Variants in ANGPT1 observed in about 807,000 individuals in gnomAD.
ANGPT1 encodes angiopoietin 1.
Under a neutral mutation model 62.2 loss-of-function variants are expected in ANGPT1, and 17 were observed. The observed-to-expected ratio is 0.27, with a 90% CI of 0.19 to 0.41. The LOEUF (loss-of-function observed/expected upper bound fraction) is 0.41, where lower values mean the gene tolerates loss of function less well. ANGPT1 is among the 10% of genes least tolerant of loss of function. The pLI is 1.00. For synonymous variants in ANGPT1, 199 were observed against 198.9 expected (o/e 1.00, Z 0.00); for missense variants, 478 against 594.9 (o/e 0.80, Z 2.04).
At chr8:107,282,942 C>T (rs1017338473) in intron 7 of ANGPT1, among the ~76,000 whole-genome samples, 1 of 151,882 alleles carries the variant, frequency 6.6e-6, no homozygotes, top group African/African-American at 2.4e-5. Context: ...ATCCTCCTAA[C>T]CCTGCCCCAA....
At chr8:107,293,462 C>G (rs1044414315) in intron 6 of ANGPT1, among the ~76,000 whole-genome samples, 1 of 152,160 alleles carries the variant, frequency 6.6e-6, no homozygotes, top group African/African-American at 2.4e-5. Context: ...TCTGATAACC[C>G]TGGATCACTT....
chr8:107,476,308 C>T (rs1160759712), intron 1 of ANGPT1, among the ~76,000 whole-genome samples: 1 of 152,038 alleles, frequency 6.6e-6, no homozygotes, highest in African/African-American at 2.4e-5. Flanking sequence ...AGCTGGAAAC[C>T]ATCATTCTCA....
intron 1 of ANGPT1, among the ~76,000 whole-genome samples, chr8:107,351,891 A>T (rs938917225): frequency 6.6e-6 from 1 of 152,204 alleles, no homozygotes; most frequent in African/African-American, 2.4e-5. Flanking sequence ...CAAAGGCTAG[A>T]TATGTACCAG....
chr8:107,332,356 G>T (rs1430444671), intron 3 of ANGPT1, among the ~76,000 whole-genome samples: 1 of 152,066 alleles, frequency 6.6e-6, no homozygotes, highest in Non-Finnish European at 1.5e-5. Flanking sequence ...TTAAGTTTCG[G>T]GTAGCATCCA....
intron 1 of ANGPT1, among the ~76,000 whole-genome samples, chr8:107,381,565 G>T (rs1284607562): frequency 1.3e-5 from 2 of 152,128 alleles, no homozygotes; most frequent in Non-Finnish European, 2.9e-5. Flanking sequence ...TTATACTCAT[G>T]AAGACTCCTG....
At chr8:107,429,413 C>A (rs192110317) in intron 1 of ANGPT1, among the ~76,000 whole-genome samples, 137 of 152,278 alleles carry the variant, frequency 9.0e-4, no homozygotes, top group Non-Finnish European at 1.3e-3. Flanking sequence ...AATGATCAAA[C>A]CCCCTTGAAG....
At position 107,342,572 on chromosome 8, in the gene ANGPT1, T is replaced by C. The variant is rs1266284826; in HGVS notation, c.453+4370A>G. ...GAGTGCAGCTGTGTCCAATAAAACT[T>C]TATCTACAAAACAAGATGGCTGGTC... On this transcript the variant is annotated intron_variant, in intron 2 of 8. Transcript: ENST00000517746. 2.6e-5 allele frequency among the ~76,000 whole-genome samples: 4 copies of C among 152,092 alleles called. No individual in the cohort carries two copies. In the East Asian group the frequency reaches 7.7e-4, roughly 29 times the overall value.
In ANGPT1 at chr8:107,377,996, G is replaced by A. The variant is rs183844202; in HGVS notation, c.298-30899C>T. On this transcript the variant is annotated intron_variant, in intron 1 of 8. Coordinates refer to ENST00000517746, the MANE Select transcript of ANGPT1 (RefSeq NM_001146.5). Reference sequence around the variant, plus strand: ...ACACTGCAGCTTAAGATATCCAAATGACTTAGCAGCAGAGCCAAGCGAATA... The same window carrying A: ...ACACTGCAGCTTAAGATATCCAAATAACTTAGCAGCAGAGCCAAGCGAATA... Among the ~76,000 whole-genome samples, 7 of 152,214 alleles carry A rather than the reference G, an allele frequency of 4.6e-5. No individual in the cohort carries two copies. The East Asian group carries it at 1.4e-3, about 29-fold the overall frequency.
At chr8:107,429,147 T>C (rs115195663) in intron 1 of ANGPT1, among the ~76,000 whole-genome samples, 163 of 152,332 alleles carry the variant, frequency 1.1e-3, no homozygotes, top group African/African-American at 3.8e-3. Flanking sequence ...AAGTACCAAT[T>C]GCTCAAATTA....
intron 1 of ANGPT1, among the ~76,000 whole-genome samples, chr8:107,381,380 C>T (rs984174414): frequency 2.6e-5 from 4 of 152,164 alleles, no homozygotes; most frequent in African/African-American, 9.7e-5. Context: ...TATGACATTA[C>T]CTGTCAATGT....
At chr8:107,256,885 C>T (rs1429147342) in intron 8 of ANGPT1, among the ~76,000 whole-genome samples, 1 of 151,648 alleles carries the variant, frequency 6.6e-6, no homozygotes, top group Non-Finnish European at 1.5e-5. Flanking sequence ...GAGATGGAGT[C>T]TCACTCTGTC....
rs774208271 is a variant in ANGPT1 at position 107,251,892 on chromosome 8, C to G, written c.1460G>C (p.Arg487Pro). ...HYFKGPSYSL[R>P]STTMMIRPLD... is the part of the protein sequence containing the mutation. ...AGGTCGAATCATCATAGTTGTGGAA[C>G]GTAAGGAGTAACTGGGCCCTTTGAA... Residue 487 changes from arginine (R) to proline (P), a missense_variant, in exon 9 of 9, where the codon CGT (arginine) becomes CCT (proline). Around this residue, in one of 4 missense-constraint regions of ANGPT1, gnomAD observed 35 missense variants for 49.6 expected, o/e 0.71. Coordinates refer to ENST00000517746, the MANE Select transcript of ANGPT1 (RefSeq NM_001146.5). The G allele has an allele frequency of 1.2e-6, 2 of 1,613,922 alleles. No homozygotes were observed. Among genetic ancestry groups the G allele is most frequent in the Non-Finnish European group, 1.7e-6 (2 of 1,179,868 alleles).
chr8:107,402,955 G>A (rs540136144), intron 1 of ANGPT1, among the ~76,000 whole-genome samples: 1 of 152,218 alleles, frequency 6.6e-6, no homozygotes, highest in South Asian at 2.1e-4. Context: ...TGTTTGAGAG[G>A]ATGAAAAATT....
intron 1 of ANGPT1, among the ~76,000 whole-genome samples, chr8:107,379,630 C>G (rs774677577): frequency 4.6e-5 from 7 of 151,906 alleles, no homozygotes; most frequent in Non-Finnish European, 8.8e-5. Flanking sequence ...CATTCTACCT[C>G]TCCCACACAA....
At chr8:107,450,220 C>T (rs1811731931) in intron 1 of ANGPT1, among the ~76,000 whole-genome samples, 1 of 151,960 alleles carries the variant, frequency 6.6e-6, no homozygotes, top group East Asian at 1.9e-4. Context: ...ATTTTAAAGC[C>T]ATTGTCATAG....
In ANGPT1 at chr8:107,338,685, T is replaced by C. The variant is rs954982284; in HGVS notation, c.454-2414A>G. ...AAAACAAACAATTTGAAGGTAGAGT[T>C]TGGAGTAGCTCAGTGGGGATAAATG... On this transcript the variant is annotated intron_variant, in intron 2 of 8. Transcript: ENST00000517746. 5.3e-5 allele frequency among the ~76,000 whole-genome samples: 8 copies of C among 152,222 alleles called. No homozygotes were observed. In the East Asian group the frequency reaches 7.7e-4, roughly 15 times the overall value.
chr8:107,373,169 A>G (rs1816449956), intron 1 of ANGPT1, among the ~76,000 whole-genome samples: 1 of 152,178 alleles, frequency 6.6e-6, no homozygotes, highest in African/African-American at 2.4e-5. Context: ...TCTTTGACAA[A>G]GTGTAAATCC....
chr8:107,282,045 G>C (rs1196676361), intron 7 of ANGPT1, among the ~76,000 whole-genome samples: 2 of 151,498 alleles, frequency 1.3e-5, no homozygotes, highest in African/African-American at 4.9e-5. Flanking sequence ...CATACGTGAT[G>C]ATACAGGCAG....
rs1055101974 is a variant in ANGPT1 at position 107,251,718 on chromosome 8, G to A, written c.*137C>T. 5.5e-6 allele frequency: 6 copies of A among 1,090,874 alleles called. No individual in the cohort carries two copies. The South Asian group carries it at 9.8e-5, about 18-fold the overall frequency. The allele number at this position is 1,090,874 out of a possible 1,614,324, so 67.6% of individuals were successfully genotyped here. Reference sequence around the variant, plus strand: ...CTCCAGATTCACGGTCAAGAACCTTGGTGACTTCACATAACTACCACTTAT... The same window carrying A: ...CTCCAGATTCACGGTCAAGAACCTTAGTGACTTCACATAACTACCACTTAT... On this transcript the variant is annotated 3_prime_UTR_variant, in exon 9 of 9. Coordinates refer to ENST00000517746, the MANE Select transcript of ANGPT1 (RefSeq NM_001146.5).
Sources: gnomAD v4.1 joint callset for allele counts (sites outside exome capture counted in the v4.1 genomes callset) on GRCh38, gnomAD v4.1.1 for gene constraint, gnomAD v4.1.1 regional missense constraint, MANE v1.5 for transcripts, NCBI Gene and HGNC (gene_info 2026-07-23, HGNC 2026-07-21) for gene names.